PRRX1: variants seen among roughly 807,000 people sequenced by gnomAD.
PRRX1 encodes the protein paired related homeobox 1, also known as paired mesoderm homeobox protein 1.
In PRRX1, 8 loss-of-function variants were observed where a neutral mutation model predicts 24.0. That is an observed-to-expected ratio of 0.33 (90% CI 0.20 to 0.60). PRRX1 has a LOEUF of 0.60. Among genes scored for constraint, PRRX1 ranks in the 20% least tolerant of loss-of-function variants. PRRX1 has a pLI of 0.82. For missense variants in PRRX1, 281 were observed against 322.4 expected, an observed-to-expected ratio of 0.87 and a Z score of 0.98; for synonymous variants, 160 against 131.7, an observed-to-expected ratio of 1.22 and a Z score of -1.47.
At chr1:170,707,777 G>A (rs529402302) in intron 1 of PRRX1, among the ~76,000 whole-genome samples, 3 of 152,272 alleles carry the variant, frequency 2.0e-5, no homozygotes, top group African/African-American at 7.2e-5. Context: ...TTAAACACTA[G>A]TATATCCAGT....
intron 1 of PRRX1, among the ~76,000 whole-genome samples, chr1:170,694,502 C>G (rs1438295927): frequency 6.6e-6 from 1 of 152,094 alleles, no homozygotes; most frequent in African/African-American, 2.4e-5. Flanking sequence ...GGCATATTCC[C>G]TATATAATTG....
chr1:170,689,839 C>CTCTCTCTCTCTCTCT lies in PRRX1; in HGVS notation c.241+25380_241+25381insTCTCTCTCTCTCTCT, dbSNP rs1558049688. Among the ~76,000 whole-genome samples, 38 of 91,642 alleles carry CTCTCTCTCTCTCTCT rather than the reference C, an allele frequency of 4.1e-4. 2 individuals carry two copies. Among genetic ancestry groups the CTCTCTCTCTCTCTCT allele is most frequent in the African/African-American group, 1.5e-3 (36 of 24,710 alleles). The allele number at this position is 91,642 out of a possible 152,430, so 60.1% of individuals were successfully genotyped here. On this transcript the variant is annotated intron_variant, in intron 1 of 3. Coordinates refer to ENST00000239461, the MANE Select transcript of PRRX1 (RefSeq NM_022716.4). ...GTCTCTCTCTCTCTCTCTCTCTCTC[C>CTCTCTCTCTCTCTCT]CTCTCTCTCTCTCTCTCTCTCTCTC...
intron 1 of PRRX1, among the ~76,000 whole-genome samples, chr1:170,700,223 A>G (rs1286860238): frequency 6.6e-6 from 1 of 152,124 alleles, no homozygotes; most frequent in East Asian, 1.9e-4. Flanking sequence ...ATTCATAGGA[A>G]ATAATTCCTG....
rs75408174 is a variant in PRRX1, at chr1:170,680,214, G to A, written c.241+15755G>A. The stretch of plus-strand genomic sequence containing the variant: ...AATGAAGTATATATAATTATGAATC[G>A]TTGTCCAAAGGATGTATTTGTTCAT... On this transcript the variant is annotated intron_variant, in intron 1 of 3. Transcript: ENST00000239461. Among the ~76,000 whole-genome samples, 730 of 151,794 alleles carry A rather than the reference G, an allele frequency of 4.8e-3. 4 individuals carry two copies. Among genetic ancestry groups the A allele is most frequent in the Middle Eastern group, 0.024 (7 of 292 alleles).
At chr1:170,721,417 A>G (rs1187966985) in intron 2 of PRRX1, among the ~76,000 whole-genome samples, 3 of 152,202 alleles carry the variant, frequency 2.0e-5, no homozygotes, top group Non-Finnish European at 4.4e-5. Context: ...CCCATCGATT[A>G]GGGCCTGTGT....
intron 1 of PRRX1, among the ~76,000 whole-genome samples, chr1:170,682,633 G>A (rs1247292143): frequency 6.6e-6 from 1 of 151,732 alleles, no homozygotes; most frequent in South Asian, 2.1e-4. Flanking sequence ...TACATATTTG[G>A]CAAATGTGTC....
chr1:170,677,557 C>A (rs1316472801), intron 1 of PRRX1, among the ~76,000 whole-genome samples: 1 of 152,150 alleles, frequency 6.6e-6, no homozygotes, highest in Non-Finnish European at 1.5e-5. Context: ...CCATTTAGTG[C>A]CATTGAAATT....
intron 1 of PRRX1, among the ~76,000 whole-genome samples, chr1:170,707,706 G>A (rs1466933378): frequency 6.6e-6 from 1 of 152,126 alleles, no homozygotes; most frequent in Non-Finnish European, 1.5e-5. Flanking sequence ...TTAAAGAAAA[G>A]AAATAAGAAG....
intron 1 of PRRX1, among the ~76,000 whole-genome samples, chr1:170,682,822 G>A (rs1047239277): frequency 6.6e-6 from 1 of 152,308 alleles, no homozygotes; most frequent in East Asian, 1.9e-4. Context: ...TTTTATGAAA[G>A]AAATGAAACA....
At chr1:170,720,590 A>T (rs1489044789) in intron 2 of PRRX1, among the ~76,000 whole-genome samples, 1 of 152,160 alleles carries the variant, frequency 6.6e-6, no homozygotes, top group African/African-American at 2.4e-5. Context: ...GTGGTTAAAG[A>T]GATGAATTCT....
chr1:170,708,712 G>C (rs1654649526), intron 1 of PRRX1, among the ~76,000 whole-genome samples: 1 of 152,080 alleles, frequency 6.6e-6, no homozygotes, highest in Non-Finnish European at 1.5e-5. Flanking sequence ...AAAAGGTTTA[G>C]GGCTCTATTC....
intron 1 of PRRX1, among the ~76,000 whole-genome samples, chr1:170,702,281 T>A (rs1654411580): frequency 6.6e-6 from 1 of 152,074 alleles, no homozygotes; most frequent in African/African-American, 2.4e-5. Context: ...GCTCTGGGGG[T>A]TGGAGACTAG....
chr1:170,706,545 T>A (rs944680814), intron 1 of PRRX1, among the ~76,000 whole-genome samples: 1 of 152,228 alleles, frequency 6.6e-6, no homozygotes, highest in Non-Finnish European at 1.5e-5. Context: ...TGGCTTCTGA[T>A]CCACTGACGT....
intron 1 of PRRX1, among the ~76,000 whole-genome samples, chr1:170,674,721 C>A (rs1159759721): frequency 6.6e-6 from 1 of 151,614 alleles, no homozygotes; most frequent in Non-Finnish European, 1.5e-5. Flanking sequence ...TTCTCCCCTC[C>A]TCCCCATCTC....
At chr1:170,703,392 G>T (rs983707509) in intron 1 of PRRX1, among the ~76,000 whole-genome samples, 1 of 152,100 alleles carries the variant, frequency 6.6e-6, no homozygotes. Context: ...ATACAAAATG[G>T]TCCATGCAGA....
chr1:170,673,567 AG>A (rs1198314104), intron 1 of PRRX1, among the ~76,000 whole-genome samples: 1 of 152,244 alleles, frequency 6.6e-6, no homozygotes, highest in Non-Finnish European at 1.5e-5. Flanking sequence ...CCCAGTTTAC[AG>A]CTTCAAGACT....
chr1:170,695,115 G>T (rs1654124987), intron 1 of PRRX1, among the ~76,000 whole-genome samples: 1 of 152,172 alleles, frequency 6.6e-6, no homozygotes, highest in Non-Finnish European at 1.5e-5. Flanking sequence ...TGATTTGCAA[G>T]ATATCCGATG....
chr1:170,736,193 A>G lies in PRRX1; in HGVS notation c.*7A>G, dbSNP rs1655597123. On this transcript the variant is annotated 3_prime_UTR_variant, in exon 4 of 4. Transcript: ENST00000239461. ...GGTGCCAACAGTCAACTGAGGAAAAAAAATAATTAAACAGGCCTAAGAAGA... is the reference window on the plus strand; with the variant it reads ...GGTGCCAACAGTCAACTGAGGAAAAGAAATAATTAAACAGGCCTAAGAAGA... 6.2e-7 allele frequency: 1 copy of G among 1,614,086 alleles called. No homozygotes were observed. The highest frequency in any genetic ancestry group is 8.5e-7 in the Non-Finnish European group (1 of 1,179,950).
chr1:170,700,515 C>T (rs1442768573), intron 1 of PRRX1, among the ~76,000 whole-genome samples: 4 of 151,962 alleles, frequency 2.6e-5, no homozygotes, highest in African/African-American at 9.7e-5. Flanking sequence ...TGAAAACAGA[C>T]CTATACAGGG....
Sources: allele counts gnomAD v4.1 joint callset (sites outside exome capture counted in the v4.1 genomes callset), GRCh38; gene constraint gnomAD v4.1.1; transcripts MANE v1.5; gene names NCBI Gene and HGNC (gene_info 2026-07-23, HGNC 2026-07-21).